The following ITPK1 variants were observed in gnomAD, a reference collection of about 807,000 sequenced individuals.
ITPK1 encodes inositol-tetrakisphosphate 1-kinase.
Under a neutral mutation model 45.3 loss-of-function variants are expected in ITPK1, and 21 were observed. The ratio of observed to expected loss-of-function variants is 0.46; its 90% CI spans 0.33 to 0.67. ITPK1 has a LOEUF of 0.67. Ranked by LOEUF, ITPK1 falls within the 30% of genes least tolerant of loss-of-function variation. The pLI, the probability that ITPK1 is intolerant of heterozygous loss-of-function variation, is 0.02. For missense variants in ITPK1, 474 were observed against 573.5 expected, an observed-to-expected ratio of 0.83 and a Z score of 1.77; for synonymous variants, 258 against 253.6, an observed-to-expected ratio of 1.02 and a Z score of -0.16.
At chr14:92,977,437 C>G (rs1317242574) in intron 5 of ITPK1, among the ~76,000 whole-genome samples, 1 of 152,220 alleles carries the variant, frequency 6.6e-6, no homozygotes, top group Non-Finnish European at 1.5e-5. Flanking sequence ...GTCCATCTAC[C>G]TACCATGACA....
At chr14:92,999,216 G>A (rs1034133435) in intron 4 of ITPK1, among the ~76,000 whole-genome samples, 2 of 152,246 alleles carry the variant, frequency 1.3e-5, no homozygotes, top group African/African-American at 4.8e-5. Context: ...AGCAGGGACG[G>A]CTGCGCACAA....
chr14:92,947,410 T>C (rs1396345801), intron 9 of ITPK1, among the ~76,000 whole-genome samples: 2 of 152,208 alleles, frequency 1.3e-5, no homozygotes, highest in Non-Finnish European at 2.9e-5. Context: ...CACACTGTCA[T>C]GGGCTCAGCC....
rs528858224 is a variant in ITPK1, at chr14:93,032,298, C to T, written c.121-15497G>A. 2.0e-5 allele frequency among the ~76,000 whole-genome samples: 3 copies of T among 152,028 alleles called. No individual in the cohort carries two copies. The highest frequency in any genetic ancestry group is 4.2e-4 in the South Asian group (2 of 4,818). On this transcript the variant is annotated intron_variant, in intron 3 of 10. Transcript: ENST00000267615. The surrounding 1 kb of genome is among the most constrained non-coding windows in gnomAD (Gnocchi z 4.0). ...CCAGGAGGCGGAGGTTGCAGTGAGC[C>T]GAGATTACGCCACTGCACTCCAGGC... is the stretch of plus-strand genomic sequence containing the variant.
At chr14:92,945,125 G>A (rs1287621248) in intron 10 of ITPK1, among the ~76,000 whole-genome samples, 1 of 152,246 alleles carries the variant, frequency 6.6e-6, no homozygotes, top group African/African-American at 2.4e-5. Flanking sequence ...ACAGGGGTGA[G>A]CTCTCCCCAG....
chr14:93,033,975 C>T lies in ITPK1; in HGVS notation c.121-17174G>A, dbSNP rs148090594. Among the ~76,000 whole-genome samples, 243 of 152,144 alleles carry T rather than the reference C, an allele frequency of 1.6e-3. 1 individual carries two copies. Among genetic ancestry groups the T allele is most frequent in the African/African-American group, 5.5e-3 (229 of 41,478 alleles). On this transcript the variant is annotated intron_variant, in intron 3 of 10. Coordinates refer to ENST00000267615, the MANE Select transcript of ITPK1 (RefSeq NM_014216.6). ...ATGGGGCAGGGGGCAAGCACAGGAC[C>T]TCTTCTGGTGAGGGGCAGGGGTGAG... is the stretch of plus-strand genomic sequence containing the variant.
At chr14:93,038,222 A>T (rs943118447) in intron 3 of ITPK1, among the ~76,000 whole-genome samples, 11 of 152,024 alleles carry the variant, frequency 7.2e-5, no homozygotes, top group African/African-American at 2.7e-4. Context: ...TTTTGTAGAG[A>T]CGTGGTTTTG....
At chr14:93,031,892 T>C (rs1232963270) in intron 3 of ITPK1, among the ~76,000 whole-genome samples, 3 of 152,248 alleles carry the variant, frequency 2.0e-5, no homozygotes, top group African/African-American at 7.2e-5. Flanking sequence ...AAATTTTCTA[T>C]GCATCCTTTT....
intron 10 of ITPK1, among the ~76,000 whole-genome samples, chr14:92,944,393 C>A (rs1887580343): frequency 6.6e-6 from 1 of 152,174 alleles, no homozygotes. Flanking sequence ...AGTCCCACCC[C>A]ATCTGGGTGG....
chr14:92,989,182 G>T (rs943218967), intron 5 of ITPK1, among the ~76,000 whole-genome samples: 1 of 152,144 alleles, frequency 6.6e-6, no homozygotes, highest in African/African-American at 2.4e-5. Context: ...TTCAACCCAG[G>T]TTTCAAATGG....
At chr14:93,100,148 C>T (rs1415205659) in intron 2 of ITPK1, among the ~76,000 whole-genome samples, 1 of 152,208 alleles carries the variant, frequency 6.6e-6, no homozygotes, top group Non-Finnish European at 1.5e-5. Flanking sequence ...TCCCCAGCCC[C>T]AGAGACTGGT....
intron 2 of ITPK1, among the ~76,000 whole-genome samples, chr14:93,106,909 G>C (rs1273022173): frequency 2.6e-5 from 4 of 152,042 alleles, no homozygotes; most frequent in African/African-American, 9.7e-5. Context: ...CTGAGCCATA[G>C]GGACATGAAA....
At chr14:93,062,449 A>G (rs907630103) in intron 3 of ITPK1, among the ~76,000 whole-genome samples, 1 of 152,186 alleles carries the variant, frequency 6.6e-6, no homozygotes, top group African/African-American at 2.4e-5. Flanking sequence ...TTTAATTAAA[A>G]AAAAAAGTTT....
In ITPK1 at chr14:92,941,189, CG is replaced by C; in HGVS notation, c.*371del. On this transcript the variant is annotated 3_prime_UTR_variant, in exon 11 of 11. Coordinates refer to ENST00000267615, the MANE Select transcript of ITPK1 (RefSeq NM_014216.6). ...ATGGGCAGGCTTCCCCCAAGGGTCC[CG>C]GTCCACAGTGGCCATGGAGACCAAC... is the stretch of plus-strand genomic sequence containing the variant. 8.0e-7 allele frequency: 1 copy of C among 1,247,744 alleles called. No individual in the cohort carries two copies. Among genetic ancestry groups the C allele is most frequent in the Non-Finnish European group, 1.0e-6 (1 of 983,528 alleles). The allele number at this position is 1,247,744 out of a possible 1,614,324, so 77.3% of individuals were successfully genotyped here. A position where few individuals can be genotyped will look rare whatever the true frequency, so the allele number is the denominator to read the frequency against.
chr14:92,982,166 G>A (rs1021059087), intron 5 of ITPK1, among the ~76,000 whole-genome samples: 8 of 152,224 alleles, frequency 5.3e-5, no homozygotes, highest in African/African-American at 1.9e-4. Context: ...GAAAACCATT[G>A]TATTACTCAG....
At chr14:93,038,057 C>CTTT (rs545277358) in intron 3 of ITPK1, among the ~76,000 whole-genome samples, 2 of 146,406 alleles carry the variant, frequency 1.4e-5, no homozygotes, top group Non-Finnish European at 3.0e-5. Context: ...ATGACATATT[C>CTTT]TTTTTTTTTT....
chr14:93,062,659 G>A (rs866137479), intron 3 of ITPK1, among the ~76,000 whole-genome samples: 62 of 142,732 alleles, frequency 4.3e-4, no homozygotes, highest in African/African-American at 1.9e-3. Flanking sequence ...CATCATGCAG[G>A]ACAGAGGTCA....
chr14:92,946,159 C>T (rs77029492), intron 10 of ITPK1, among the ~76,000 whole-genome samples, 172 bp downstream of exon 10: 3,873 of 152,258 alleles, frequency 0.025, 75 homozygotes, highest in Non-Finnish European at 0.038. Context: ...TCGCACACCC[C>T]GTAAGCCCAT....
chr14:92,976,496 C>T (rs1885948384), intron 5 of ITPK1, among the ~76,000 whole-genome samples: 1 of 152,246 alleles, frequency 6.6e-6, no homozygotes, highest in South Asian at 2.1e-4. Flanking sequence ...AGCCAAGCTG[C>T]AGATTCATGA....
intron 3 of ITPK1, among the ~76,000 whole-genome samples, chr14:93,031,200 G>A (rs1276068468): frequency 6.6e-6 from 1 of 152,110 alleles, no homozygotes; most frequent in Non-Finnish European, 1.5e-5. Context: ...GAGACCTGGG[G>A]AAGAATGTTC....
Sources: gnomAD v4.1 joint callset for allele counts (sites outside exome capture counted in the v4.1 genomes callset) on GRCh38, gnomAD v4.1.1 for gene constraint, Gnocchi (gnomAD v3.1) non-coding constraint, MANE v1.5 for transcripts, NCBI Gene and HGNC (gene_info 2026-07-23, HGNC 2026-07-21) for gene names.